The following ADGRL1 variants were observed in gnomAD, a reference collection of about 807,000 sequenced individuals.
ADGRL1 encodes the protein adhesion G protein-coupled receptor L1.
In ADGRL1, 31 loss-of-function variants were observed where a neutral mutation model predicts 148.9. The ratio of observed to expected loss-of-function variants is 0.21; its 90% CI spans 0.16 to 0.28. The LOEUF (loss-of-function observed/expected upper bound fraction) is 0.28. Among genes scored for constraint, ADGRL1 ranks in the 10% least tolerant of loss-of-function variants. The pLI, the probability that ADGRL1 is intolerant of heterozygous loss-of-function variation, is 1.00. For synonymous variants in ADGRL1, 937 were observed against 900.3 expected (o/e 1.04, Z -0.73); for missense variants, 1,521 against 2,058.8 (o/e 0.74, Z 5.05).
rs189369372 is a variant in ADGRL1 at position 14,156,136 on chromosome 19, G to A, written c.3099C>T (p.Pro1033=). ...KMIRSSSVLK[P]DSSRLDNIKS... is the part of the protein sequence containing the mutation. Reference sequence around the variant, plus strand: ...TAATGTTGTCCAGGCGGCTGGAGTCGGGCTTGAGCACAGATGAGCTTCGGA... The same window carrying A: ...TAATGTTGTCCAGGCGGCTGGAGTCAGGCTTGAGCACAGATGAGCTTCGGA... The change falls in exon 17 of 23, where the codon CCC becomes CCT. Residue 1033 remains proline (P), a synonymous_variant. Transcript: ENST00000361434. The A allele has an allele frequency of 4.7e-5, 75 of 1,612,544 alleles. No individual in the cohort carries two copies. The East Asian group carries it at 1.6e-3, about 34-fold the overall frequency.
At chr19:14,204,761 C>T (rs368414155) in intron 1 of ADGRL1, among the ~76,000 whole-genome samples, 3 of 148,114 alleles carry the variant, frequency 2.0e-5, no homozygotes, top group Non-Finnish European at 3.0e-5. Context: ...AGAGAGAGAG[C>T]GCGCGAGCCA....
In ADGRL1 at chr19:14,153,136, C is replaced by A. The variant is rs144136098; in HGVS notation, c.3295-224G>T. ...CACTCTCTTCTTACTCAGGCCCATC[C>A]TCTTCTCCACCTCCTCTGACAGTTT... On this transcript the variant is annotated intron_variant, in intron 18 of 22. Coordinates refer to ENST00000361434, the MANE Select transcript of ADGRL1 (RefSeq NM_014921.5). Among the ~76,000 whole-genome samples, 8 of 152,330 alleles carry A rather than the reference C, an allele frequency of 5.3e-5. No individual in the cohort carries two copies. In the East Asian group the frequency reaches 1.5e-3, roughly 29 times the overall value.
chr19:14,196,576 T>TG (rs1462823387), intron 1 of ADGRL1, among the ~76,000 whole-genome samples: 3 of 152,146 alleles, frequency 2.0e-5, no homozygotes, highest in Non-Finnish European at 2.9e-5. Context: ...GCTGAGATTA[T>TG]GCCACTGCAC....
At chr19:14,203,226 A>G (rs1007043630) in intron 1 of ADGRL1, among the ~76,000 whole-genome samples, 4 of 152,114 alleles carry the variant, frequency 2.6e-5, no homozygotes, top group African/African-American at 7.2e-5. Flanking sequence ...GAGGAGGGGA[A>G]GTGTCTGGCA....
At chr19:14,170,441 G>A in intron 4 of ADGRL1, 1 of 446,152 alleles carries the variant, frequency 2.2e-6, no homozygotes, top group Non-Finnish European at 4.1e-6. Context: ...GCTGGGGTAA[G>A]GAGAGCTGGA....
chr19:14,179,870 C>A (rs1458691787), intron 2 of ADGRL1, among the ~76,000 whole-genome samples: 1 of 151,876 alleles, frequency 6.6e-6, no homozygotes, highest in Non-Finnish European at 1.5e-5. Flanking sequence ...ATGCAGAGAT[C>A]ATGCCACTGT....
intron 1 of ADGRL1, among the ~76,000 whole-genome samples, chr19:14,204,713 TGAGAGAGAGAGAGAGAGA>T (rs74181774): frequency 1.4e-5 from 2 of 142,890 alleles, no homozygotes; most frequent in Non-Finnish European, 3.1e-5. Flanking sequence ...ACAGAGAGAG[TGAGAGAGAGAGAGAGAGA>T]GAGAGAGAGA....
Position 14,158,399 on chromosome 19 carries a change from T to C in ADGRL1, c.2303A>G (p.Asn768Ser). The C allele has an allele frequency of 6.2e-7, 1 of 1,613,738 alleles. No homozygotes were observed. Among genetic ancestry groups the C allele is most frequent in the Non-Finnish European group, 8.5e-7 (1 of 1,180,020 alleles). Residue 768 changes from asparagine to serine, a missense_variant, in exon 12 of 23, where the codon AAC becomes AGC. Asn to Ser is a conservative substitution (Grantham distance 46). Coordinates refer to ENST00000361434, the MANE Select transcript of ADGRL1 (RefSeq NM_014921.5). ...VNSQVIAASI[N>S]KESSRVFLMD... is the part of the protein sequence containing the mutation. The stretch of plus-strand genomic sequence containing the variant: ...GAGGAAGACGCGGCTGGACTCCTTG[T>C]TGATGGATGCTGCGATGACCTGTGA...
intron 3 of ADGRL1, among the ~76,000 whole-genome samples, chr19:14,173,513 T>A (rs778492525): frequency 1.4e-4 from 21 of 152,158 alleles, no homozygotes; most frequent in Non-Finnish European, 2.6e-4. Context: ...CTTGGAGCGT[T>A]TCCCCAGTGG....
At chr19:14,190,513 C>T (rs965748939) in intron 1 of ADGRL1, among the ~76,000 whole-genome samples, 8 of 151,680 alleles carry the variant, frequency 5.3e-5, no homozygotes, top group African/African-American at 1.9e-4. Context: ...GCGATGCTCC[C>T]GCCTTGGCCT....
intron 4 of ADGRL1, among the ~76,000 whole-genome samples, chr19:14,168,595 G>A (rs988130559): frequency 6.6e-6 from 1 of 152,006 alleles, no homozygotes. Context: ...TCAGGGCCTC[G>A]GCTCCAGGAG....
Position 14,155,861 on chromosome 19 carries a change from T to C in ADGRL1, c.3125+249A>G. 2 of 581,272 alleles carry C rather than the reference T, an allele frequency of 3.4e-6. No individual in the cohort carries two copies. Among genetic ancestry groups the C allele is most frequent in the South Asian group, 2.1e-5 (1 of 47,488 alleles). 36.0% of individuals were successfully genotyped at this position (581,272 alleles called of 1,614,324 possible). The stretch of plus-strand genomic sequence containing the variant: ...AGTTGCCCTTAAACAGACTCACCTT[T>C]TGAATTTAGCCTCAGCCTACATACC... On this transcript the variant is annotated intron_variant, in intron 17 of 22. Transcript: ENST00000361434. This position sits in a 1 kb window ranked among gnomAD's most constrained non-coding sequence, Gnocchi z 5.0.
Position 14,177,560 on chromosome 19 carries a change from C to T in ADGRL1, c.255G>A (p.Leu85=), listed in dbSNP as rs1464411826. ...GTGACATGATCTTGAAGGCGTCCGGCAGGTAGCACTGCACATTCTCCATCT... is the reference window on the plus strand; with the variant it reads ...GTGACATGATCTTGAAGGCGTCCGGTAGGTAGCACTGCACATTCTCCATCT... ...PFQMENVQCY[L]PDAFKIMSQR... The change falls in exon 3 of 23, where the codon CTG becomes CTA. Residue 85 remains leucine (L), a synonymous_variant. Transcript: ENST00000361434. 1 of 1,614,108 alleles carries T rather than the reference C, an allele frequency of 6.2e-7. No homozygotes were observed. Among genetic ancestry groups the T allele is most frequent in the Non-Finnish European group, 8.5e-7 (1 of 1,180,050 alleles).
intron 2 of ADGRL1, among the ~76,000 whole-genome samples, chr19:14,183,212 AGAGAGC>A (rs1049459391): frequency 1.3e-5 from 2 of 151,048 alleles, no homozygotes; most frequent in South Asian, 2.1e-4. Flanking sequence ...AGAGAGAGAG[AGAGAGC>A]GAGAGAGAGA....
rs1053790680 is a variant in ADGRL1, at chr19:14,159,489, C to T, written c.1935G>A (p.Met645Ile). 4 of 1,613,376 alleles carry T rather than the reference C, an allele frequency of 2.5e-6. No individual in the cohort carries two copies. Among genetic ancestry groups the T allele is most frequent in the Non-Finnish European group, 3.4e-6 (4 of 1,179,740 alleles). The change falls in exon 10 of 23, where the codon ATG (methionine) becomes ATA (isoleucine). Residue 645 changes from methionine (M) to isoleucine (I), a missense_variant. Met to Ile is a conservative substitution (Grantham distance 10). This residue lies in a region of ADGRL1 where 265 missense variants were observed against 431.9 expected (regional missense o/e 0.61). Coordinates refer to ENST00000361434, the MANE Select transcript of ADGRL1 (RefSeq NM_014921.5). This position sits in a 1 kb window ranked among gnomAD's most constrained non-coding sequence, Gnocchi z 6.0. ...CGCCCTCCTCCAGGACGTCGAGGAG[C>T]ATGGTGGCCGTGTGCACCTGCTCCG... ...NATEQVHTAT[M>I]LLDVLEEGAF...
At chr19:14,178,581 C>T (rs1210687231) in intron 2 of ADGRL1, among the ~76,000 whole-genome samples, 2 of 152,086 alleles carry the variant, frequency 1.3e-5, no homozygotes, top group Non-Finnish European at 2.9e-5. Flanking sequence ...TGCAGTGGTG[C>T]GATCATGGCT....
rs780830038 is a variant in ADGRL1, at chr19:14,151,609, G to T, written c.3674C>A (p.Pro1225His). 7.5e-6 allele frequency: 12 copies of T among 1,597,618 alleles called. No homozygotes were observed. Among genetic ancestry groups the T allele is most frequent in the Non-Finnish European group, 8.5e-7 (1 of 1,176,644 alleles). ...SPGSYREPKH[P>H]LGGREACGMD... The stretch of plus-strand genomic sequence containing the variant: ...GCCACAGGCTTCCCGGCCTCCCAAG[G>T]GGTGCTCTGCAGGGCAGAAAGGGGC... Residue 1225 changes from proline to histidine, a missense_variant, in exon 23 of 23, where the codon CCC becomes CAC. By Grantham distance (77) the Pro-to-His change is moderately conservative. Coordinates refer to ENST00000361434, the MANE Select transcript of ADGRL1 (RefSeq NM_014921.5).
At chr19:14,196,910 A>G (rs984119395) in intron 1 of ADGRL1, among the ~76,000 whole-genome samples, 4 of 152,034 alleles carry the variant, frequency 2.6e-5, no homozygotes, top group African/African-American at 9.7e-5. Context: ...TGGGGTTTGC[A>G]TACTACACTC....
At position 14,152,771 on chromosome 19, in the gene ADGRL1, T is replaced by A. The variant is rs1968344154; in HGVS notation, c.3423+13A>T. 4 of 1,613,628 alleles carry A rather than the reference T, an allele frequency of 2.5e-6. No individual in the cohort carries two copies. The highest frequency in any genetic ancestry group is 3.4e-6 in the Non-Finnish European group (4 of 1,179,766). ...CAACACTCAGCCCCAGGGAGTCCTGTCTGGCCCGATACCTGGGTCCCTGTG... is the reference window on the plus strand; with the variant it reads ...CAACACTCAGCCCCAGGGAGTCCTGACTGGCCCGATACCTGGGTCCCTGTG... On this transcript the variant is annotated intron_variant, in intron 19 of 22. Coordinates refer to ENST00000361434, the MANE Select transcript of ADGRL1 (RefSeq NM_014921.5). This position sits in a 1 kb window ranked among gnomAD's most constrained non-coding sequence, Gnocchi z 6.1.
Sources: gnomAD v4.1 joint callset for allele counts (sites outside exome capture counted in the v4.1 genomes callset) on GRCh38, gnomAD v4.1.1 for gene constraint, gnomAD v4.1.1 regional missense constraint, Gnocchi (gnomAD v3.1) non-coding constraint, MANE v1.5 for transcripts, NCBI Gene and HGNC (gene_info 2026-07-23, HGNC 2026-07-21) for gene names.